The following CCDC158 variants were observed in gnomAD, a reference collection of about 807,000 sequenced individuals.
The protein encoded by CCDC158 is coiled-coil domain-containing protein 158.
CCDC158 carries 116 observed loss-of-function variants against 138.6 expected under a neutral mutation model. The observed-to-expected ratio is 0.84, with a 90% CI of 0.72 to 0.98. The LOEUF is 0.98. Among genes scored for constraint, CCDC158 ranks in the 50% least tolerant of loss-of-function variants. The pLI, the probability that CCDC158 is intolerant of heterozygous loss-of-function variation, is 0.00. For missense variants in CCDC158, 1,265 were observed against 1,306.1 expected, an observed-to-expected ratio of 0.97 and a Z score of 0.48; for synonymous variants, 436 against 442.4, an observed-to-expected ratio of 0.99 and a Z score of 0.18.
rs186798037 is a variant in CCDC158, at chr4:76,403,159, T to C, written c.49A>G (p.Ser17Gly). ...ESNNEDLLSSSGVTSNGGSSS... is the reference protein window; with the variant it reads ...ESNNEDLLSSGGVTSNGGSSS... The stretch of plus-strand genomic sequence containing the variant: ...ATACCTCCATTAGATGTGACACCAC[T>C]ACTTGATAAAAGATCTTCATTATTT... Residue 17 changes from serine (S) to glycine (G), a missense_variant, in exon 3 of 25, where the codon AGT (serine) becomes GGT (glycine). Ser to Gly is a moderately conservative substitution (Grantham distance 56, BLOSUM62 0). Transcript: ENST00000682701. The C allele has an allele frequency of 1.2e-5, 19 of 1,606,366 alleles. No homozygotes were observed. Among genetic ancestry groups the C allele is most frequent in the Middle Eastern group, 1.7e-4 (1 of 6,048 alleles).
In CCDC158 at chr4:76,417,212, C is replaced by T. The variant is rs139398649; in HGVS notation, c.-117+3753G>A. Among the ~76,000 whole-genome samples the T allele has an allele frequency of 1.7e-3, 266 of 152,270 alleles. 2 individuals carry two copies. The highest frequency in any genetic ancestry group is 6.1e-3 in the African/African-American group (253 of 41,556). Reference sequence around the variant, plus strand: ...TTTTGGATTTGCATGGGCCCTGTAACTCCTTTGTTTTGGCCAATTTCTCCT... The same window carrying T: ...TTTTGGATTTGCATGGGCCCTGTAATTCCTTTGTTTTGGCCAATTTCTCCT... On this transcript the variant is annotated intron_variant, in intron 1 of 24. Transcript: ENST00000682701.
At chr4:76,331,128 C>A (rs1720967726) in intron 21 of CCDC158, among the ~76,000 whole-genome samples, 1 of 152,066 alleles carries the variant, frequency 6.6e-6, no homozygotes, top group African/African-American at 2.4e-5. Flanking sequence ...GTGGTGAAAA[C>A]AGAAAAGACA....
intron 12 of CCDC158, among the ~76,000 whole-genome samples, chr4:76,364,026 C>T (rs987545011): frequency 9.2e-5 from 14 of 152,076 alleles, no homozygotes; most frequent in African/African-American, 3.4e-4. Context: ...AACTCTAATT[C>T]GGCGTTTCCA....
rs200257544 is a variant in CCDC158, at chr4:76,325,831, C to T, written c.3169+26G>A. 84 of 1,590,054 alleles carry T rather than the reference C, an allele frequency of 5.3e-5. No homozygotes were observed. In the African/African-American group the frequency reaches 5.9e-4, roughly 11 times the overall value. On this transcript the variant is annotated intron_variant, in intron 23 of 24. Transcript: ENST00000682701. ...AGCAGTGTAGGAAATCAATTAATCA[C>T]GTCAATGATATCAGATCTTTCTTAC...
At chr4:76,322,344 C>G (rs893610346) in intron 24 of CCDC158, among the ~76,000 whole-genome samples, 5 of 152,184 alleles carry the variant, frequency 3.3e-5, no homozygotes, top group Admixed American at 3.3e-4. Flanking sequence ...CCGATCTACT[C>G]TTCACTGTGA....
At position 76,355,408 on chromosome 4, in the gene CCDC158, C is replaced by T. The variant is rs763653220; in HGVS notation, c.2202G>A (p.Lys734=). The T allele has an allele frequency of 1.2e-6, 2 of 1,613,502 alleles. No individual in the cohort carries two copies. The highest frequency in any genetic ancestry group is 2.2e-5 in the East Asian group (1 of 44,866). Reference sequence around the variant, plus strand: ...TCTGACCTCTTTTGGCTGTGATTTGCTTTTGCATCCCCATTGCCACTTTCA... The same window carrying T: ...TCTGACCTCTTTTGGCTGTGATTTGTTTTTGCATCCCCATTGCCACTTTCA... ...HAMKVAMGMQ[K]QITAKRGQID... Residue 734 remains lysine, a synonymous_variant, in exon 15 of 25, where the codon AAG becomes AAA. Transcript: ENST00000682701.
intron 18 of CCDC158, among the ~76,000 whole-genome samples, chr4:76,336,571 T>G (rs148479267): frequency 1.3e-5 from 2 of 152,310 alleles, no homozygotes; most frequent in African/African-American, 2.4e-5. Flanking sequence ...GAAGGCAGTT[T>G]AATTTTTGTA....
chr4:76,374,281 T>G (rs576041364), intron 9 of CCDC158, among the ~76,000 whole-genome samples: 6 of 152,274 alleles, frequency 3.9e-5, no homozygotes, highest in African/African-American at 1.4e-4. Context: ...ATGAACAATA[T>G]CAATTGATAA....
chr4:76,383,426 ATCTC>A lies in CCDC158; in HGVS notation c.803+232_803+235del, dbSNP rs147610626. Among the ~76,000 whole-genome samples, 244 of 150,654 alleles carry A rather than the reference ATCTC, an allele frequency of 1.6e-3. 2 individuals are homozygous for A. The highest frequency in any genetic ancestry group is 5.6e-3 in the African/African-American group (229 of 41,076). On this transcript the variant is annotated intron_variant, in intron 7 of 24. Transcript: ENST00000682701. The stretch of plus-strand genomic sequence containing the variant: ...GGCCTTGTATTGGGAGCTGAGCTTA[ATCTC>A]TCTCTCTCTCTCTCCTACAGCAATA...
chr4:76,329,649 T>C (rs1211446584), intron 21 of CCDC158, among the ~76,000 whole-genome samples: 2 of 152,152 alleles, frequency 1.3e-5, no homozygotes, highest in Non-Finnish European at 2.9e-5. Context: ...TGTACAAAAC[T>C]ATAAGACATA....
At chr4:76,375,803 T>A in intron 9 of CCDC158, 1 of 554,124 alleles carries the variant, frequency 1.8e-6, no homozygotes, top group Non-Finnish European at 3.2e-6. Context: ...ACAATTTCTA[T>A]GTTCACCAGC....
At chr4:76,418,960 T>C (rs931143667) in intron 1 of CCDC158, among the ~76,000 whole-genome samples, 1 of 152,198 alleles carries the variant, frequency 6.6e-6, no homozygotes, top group Non-Finnish European at 1.5e-5. Flanking sequence ...TTTAGCCATA[T>C]TTTAATACAT....
chr4:76,366,638 A>ACACACACACACAC (rs34680628), intron 12 of CCDC158, among the ~76,000 whole-genome samples: 6,972 of 147,890 alleles, frequency 0.047, 269 homozygotes, highest in East Asian at 0.18. Context: ...CACACACACA[A>ACACACACACACAC]ACACACACAC....
chr4:76,382,430 T>A lies in CCDC158; in HGVS notation c.914+180A>T, dbSNP rs531094142. Among the ~76,000 whole-genome samples, 23 of 151,670 alleles carry A rather than the reference T, an allele frequency of 1.5e-4. 1 individual carries two copies. Among genetic ancestry groups the A allele is most frequent in the Admixed American group, 1.3e-3 (20 of 15,290 alleles). ...CAAATACTTGCAAAAATACTTCTTA[T>A]ATGGTCAGATAACAGTACCTATGTT... On this transcript the variant is annotated intron_variant, in intron 8 of 24. Coordinates refer to ENST00000682701, the MANE Select transcript of CCDC158 (RefSeq NM_001394954.1).
chr4:76,369,629 A>G lies in CCDC158; in HGVS notation c.1150-6T>C, dbSNP rs1725045052. 6.2e-7 allele frequency: 1 copy of G among 1,605,476 alleles called. No homozygotes were observed. The highest frequency in any genetic ancestry group is 8.5e-7 in the Non-Finnish European group (1 of 1,176,044). ...TCCCTTTTGTGTAGATCAGCCTAAA[A>G]AAAGAGAGGAATGCTTTTTTCCTCC... is the stretch of plus-strand genomic sequence containing the variant. On this transcript the variant is annotated splice_polypyrimidine_tract_variant and splice_region_variant and intron_variant, in intron 10 of 24. Transcript: ENST00000682701.
chr4:76,323,505 T>C lies in CCDC158; in HGVS notation c.3170-96A>G, dbSNP rs185875802. On this transcript the variant is annotated intron_variant, in intron 23 of 24. Coordinates refer to ENST00000682701, the MANE Select transcript of CCDC158 (RefSeq NM_001394954.1). ...AAGGCTAAACAATTTTTCTTTAAAA[T>C]AAAGGGAACTTTTTTTCATGACAAA... 6.0e-4 allele frequency: 537 copies of C among 896,872 alleles called. 3 individuals are homozygous for C. In the African/African-American group the frequency reaches 7.7e-3, roughly 13 times the overall value. The allele number at this position is 896,872 out of a possible 1,614,324, so 55.6% of individuals were successfully genotyped here. A position where few individuals can be genotyped will look rare whatever the true frequency, so the allele number is the denominator to read the frequency against.
intron 13 of CCDC158, among the ~76,000 whole-genome samples, chr4:76,358,576 G>GA (rs1723808830): frequency 1.3e-5 from 2 of 152,098 alleles, no homozygotes; most frequent in African/African-American, 4.8e-5. Flanking sequence ...GTCACATTTT[G>GA]ATATTTCATG....
chr4:76,386,920 C>T (rs761078412), intron 4 of CCDC158, among the ~76,000 whole-genome samples: 4 of 152,196 alleles, frequency 2.6e-5, no homozygotes, highest in Admixed American at 6.5e-5. Flanking sequence ...GGTCAGAACT[C>T]GAGTTTCTCA....
At chr4:76,389,752 A>T (rs568710554) in intron 4 of CCDC158, among the ~76,000 whole-genome samples, 2 of 152,170 alleles carry the variant, frequency 1.3e-5, no homozygotes, top group Non-Finnish European at 2.9e-5. Context: ...GCTCCAATAC[A>T]TCTGGCAGCA....
Sources: gnomAD v4.1 joint callset for allele counts (sites outside exome capture counted in the v4.1 genomes callset) on GRCh38, gnomAD v4.1.1 for gene constraint, MANE v1.5 for transcripts, NCBI Gene and HGNC (gene_info 2026-07-23, HGNC 2026-07-21) for gene names.